Variants in ARMH3 observed in about 807,000 individuals in gnomAD.
ARMH3 encodes armadillo like helical domain containing 3, also known as armadillo-like helical domain-containing protein 3.
Under a neutral mutation model 99.1 loss-of-function variants are expected in ARMH3, and 60 were observed. That is an observed-to-expected ratio of 0.61 (90% CI 0.49 to 0.75). The LOEUF is 0.75. ARMH3 is among the 30% of genes least tolerant of loss of function. ARMH3 has a pLI of 0.00. For missense variants in ARMH3, 679 were observed against 843.1 expected, an observed-to-expected ratio of 0.81 and a Z score of 2.41; for synonymous variants, 285 against 292.8, an observed-to-expected ratio of 0.97 and a Z score of 0.27.
chr10:102,007,535 T>C (rs945833144), intron 13 of ARMH3, among the ~76,000 whole-genome samples: 2 of 151,008 alleles, frequency 1.3e-5, no homozygotes, highest in African/African-American at 4.9e-5. Flanking sequence ...AAAAGAGCTA[T>C]TCAGCCGGGT....
At chr10:101,939,464 T>C (rs1032618918) in intron 23 of ARMH3, among the ~76,000 whole-genome samples, 5 of 152,154 alleles carry the variant, frequency 3.3e-5, no homozygotes, top group African/African-American at 7.2e-5. Context: ...CTGTTTACCA[T>C]AAATAGAAAT....
At chr10:101,936,215 C>T (rs148557650) in intron 23 of ARMH3, among the ~76,000 whole-genome samples, 86 of 152,120 alleles carry the variant, frequency 5.7e-4, no homozygotes, top group African/African-American at 1.9e-3. Context: ...AAAAATTGGC[C>T]GGGTGCGGTG....
At chr10:101,986,674 G>C (rs1019417509) in intron 19 of ARMH3, among the ~76,000 whole-genome samples, 3 of 152,100 alleles carry the variant, frequency 2.0e-5, no homozygotes, top group East Asian at 3.9e-4. Context: ...TGCCGAAAAG[G>C]GGTACATAAT....
chr10:101,977,391 G>A (rs1172005722), intron 19 of ARMH3, among the ~76,000 whole-genome samples: 1 of 152,064 alleles, frequency 6.6e-6, no homozygotes, highest in Admixed American at 6.5e-5. Context: ...GGTAAATACT[G>A]ATGAAACTTA....
rs2066373172 is a variant in ARMH3, at chr10:102,002,023, A to G, written c.1098T>C (p.Asn366=). The part of the protein sequence containing the change: ...LPLDADVQTS[N]LLITFLKYSS... ...TATACTTTAAAAAGGTTATCAGTAGATTACTGGTCTGTACATCTGCATCCA... is the reference window on the plus strand; with the variant it reads ...TATACTTTAAAAAGGTTATCAGTAGGTTACTGGTCTGTACATCTGCATCCA... The change falls in exon 15 of 26, where the codon AAT becomes AAC. Residue 366 remains asparagine (N), a synonymous_variant. Coordinates refer to ENST00000370033, the MANE Select transcript of ARMH3 (RefSeq NM_024541.3). 6.2e-7 allele frequency: 1 copy of G among 1,614,090 alleles called. No homozygotes were observed.
At position 102,051,157 on chromosome 10, in the gene ARMH3, CAAAAAA is replaced by C. The variant is rs774209681; in HGVS notation, c.-12+4922_-12+4927del. Among the ~76,000 whole-genome samples the C allele has an allele frequency of 7.0e-5, 4 of 57,052 alleles. No homozygotes were observed. In the East Asian group the frequency reaches 1.9e-3, roughly 27 times the overall value. The allele number at this position is 57,052 out of a possible 152,430, so 37.4% of individuals were successfully genotyped here. Reference sequence around the variant, plus strand: ...TGGGCGACAGAGCAAGACTCTGTCTCAAAAAAAAAAAAAAAAAGAAAGAAAGAAAAG... The same window carrying C: ...TGGGCGACAGAGCAAGACTCTGTCTCAAAAAAAAAAAGAAAGAAAGAAAAG... On this transcript the variant is annotated intron_variant, in intron 1 of 25. Transcript: ENST00000370033.
At chr10:101,935,699 T>C (rs1218313490) in intron 23 of ARMH3, among the ~76,000 whole-genome samples, 1 of 152,232 alleles carries the variant, frequency 6.6e-6, no homozygotes, top group African/African-American at 2.4e-5. Context: ...GCCCTTCTCA[T>C]GGTTATTAAA....
intron 20 of ARMH3, among the ~76,000 whole-genome samples, chr10:101,972,717 G>A (rs536431376): frequency 8.8e-4 from 134 of 152,256 alleles, no homozygotes; most frequent in South Asian, 6.6e-3. Flanking sequence ...ATGAATACAC[G>A]GAGCCAGGGT....
intron 23 of ARMH3, among the ~76,000 whole-genome samples, chr10:101,933,381 A>G (rs1843808144): frequency 6.6e-6 from 1 of 152,232 alleles, no homozygotes; most frequent in East Asian, 1.9e-4. Context: ...TTTAATTATG[A>G]ATGTCTGAAT....
intron 15 of ARMH3, among the ~76,000 whole-genome samples, chr10:102,001,286 GA>G (rs979554158): frequency 6.6e-6 from 1 of 151,388 alleles, no homozygotes; most frequent in African/African-American, 2.4e-5. Flanking sequence ...CTAAGTAGGG[GA>G]AAAAAAACAA....
chr10:101,966,510 G>A (rs976623744), intron 20 of ARMH3, among the ~76,000 whole-genome samples: 6 of 151,628 alleles, frequency 4.0e-5, no homozygotes, highest in Admixed American at 6.6e-5. Flanking sequence ...TCAGGTGATC[G>A]GCCAAAGTGC....
At chr10:102,030,189 G>A (rs1158976635) in intron 4 of ARMH3, among the ~76,000 whole-genome samples, 1 of 152,032 alleles carries the variant, frequency 6.6e-6, no homozygotes, top group Non-Finnish European at 1.5e-5. Context: ...CCAAAGTTCT[G>A]GAATTAGAAA....
chr10:101,868,281 G>A (rs1284501401), intron 24 of ARMH3, among the ~76,000 whole-genome samples: 1 of 152,202 alleles, frequency 6.6e-6, no homozygotes, highest in African/African-American at 2.4e-5. Flanking sequence ...ATTGACATTA[G>A]ACAATCTGGA....
chr10:102,023,158 G>C (rs1035638689), intron 8 of ARMH3, among the ~76,000 whole-genome samples: 2 of 147,508 alleles, frequency 1.4e-5, no homozygotes, highest in Non-Finnish European at 3.0e-5. Context: ...TTGCACTCCA[G>C]CCTGGGCAAC....
chr10:101,987,167 T>A (rs1324877488), intron 19 of ARMH3, among the ~76,000 whole-genome samples: 2 of 152,136 alleles, frequency 1.3e-5, no homozygotes, highest in Non-Finnish European at 2.9e-5. Context: ...ATCCACTTAA[T>A]CTTGGGCAAG....
At chr10:101,878,631 T>G (rs2067328699) in intron 24 of ARMH3, among the ~76,000 whole-genome samples, 2 of 149,198 alleles carry the variant, frequency 1.3e-5, no homozygotes, top group Non-Finnish European at 1.5e-5. Context: ...TGAGAGAAAC[T>G]GCATCTCAAG....
chr10:101,921,071 T>C (rs996934922), intron 23 of ARMH3, among the ~76,000 whole-genome samples: 1 of 152,182 alleles, frequency 6.6e-6, no homozygotes, highest in Non-Finnish European at 1.5e-5. Flanking sequence ...TGCACAACAA[T>C]GTCAATATAC....
chr10:102,040,518 C>A lies in ARMH3; in HGVS notation c.-11-393G>T, dbSNP rs78781694. Among the ~76,000 whole-genome samples the A allele has an allele frequency of 9.4e-3, 1,433 of 152,296 alleles. 18 individuals carry two copies. Among genetic ancestry groups the A allele is most frequent in the African/African-American group, 0.033 (1,359 of 41,556 alleles). On this transcript the variant is annotated intron_variant, in intron 1 of 25. Coordinates refer to ENST00000370033, the MANE Select transcript of ARMH3 (RefSeq NM_024541.3). ...GTCACTGACGTACCACTTAATGAGA[C>A]AACGTTTAGGAAGAAGAACTGATAA...
At position 101,900,165 on chromosome 10, in the gene ARMH3, T is replaced by G. The variant is rs572361988; in HGVS notation, c.1782-10675A>C. ...TTGCTCAGATCCATCACTCTGTGCT[T>G]CTGACTACCTTACTCTGTTCTCTAG... On this transcript the variant is annotated intron_variant, in intron 23 of 25. Coordinates refer to ENST00000370033, the MANE Select transcript of ARMH3 (RefSeq NM_024541.3). Among the ~76,000 whole-genome samples, 11 of 152,328 alleles carry G rather than the reference T, an allele frequency of 7.2e-5. No homozygotes were observed. In the East Asian group the frequency reaches 9.6e-4, roughly 13 times the overall value.
Sources: allele counts gnomAD v4.1 joint callset (sites outside exome capture counted in the v4.1 genomes callset), GRCh38; gene constraint gnomAD v4.1.1; transcripts MANE v1.5; gene names NCBI Gene and HGNC (gene_info 2026-07-23, HGNC 2026-07-21).